Variants in CAMK4 observed in about 807,000 individuals in gnomAD.
CAMK4 encodes the protein calcium/calmodulin dependent protein kinase IV.
Under a neutral mutation model 44.9 loss-of-function variants are expected in CAMK4, and 22 were observed. That is an observed-to-expected ratio of 0.49 (90% CI 0.35 to 0.70). The LOEUF (loss-of-function observed/expected upper bound fraction) is 0.70. CAMK4 is among the 30% of genes least tolerant of loss of function. The probability of loss-of-function intolerance (pLI) is 0.01; values close to 1 mark genes in which losing one functional copy is unlikely to be tolerated. For synonymous variants in CAMK4, 218 were observed against 215.4 expected, an observed-to-expected ratio of 1.01 and a Z score of -0.11; for missense variants, 498 against 586.8, an observed-to-expected ratio of 0.85 and a Z score of 1.56.
chr5:111,476,975 A>G (rs1388500791), intron 8 of CAMK4, among the ~76,000 whole-genome samples: 4 of 152,198 alleles, frequency 2.6e-5, no homozygotes, highest in Non-Finnish European at 5.9e-5. Context: ...AGAAGGGGAA[A>G]TATAAGGAAA....
chr5:111,320,130 G>A (rs1282506975), intron 1 of CAMK4, among the ~76,000 whole-genome samples: 1 of 152,186 alleles, frequency 6.6e-6, no homozygotes, highest in Non-Finnish European at 1.5e-5. Flanking sequence ...AAAAAGAGAA[G>A]CATGCTCAAC....
At position 111,443,507 on chromosome 5, in the gene CAMK4, G is replaced by A. The variant is rs535748826; in HGVS notation, c.460-3179G>A. ...TTTTGTTTTAAAGCTTGTTCCTTTG[G>A]TAGTGTATAGCTCCTCGTTCTAGTA... On this transcript the variant is annotated intron_variant, in intron 5 of 10. Coordinates refer to ENST00000282356, the MANE Select transcript of CAMK4 (RefSeq NM_001744.6). 3.3e-5 allele frequency among the ~76,000 whole-genome samples: 5 copies of A among 151,314 alleles called. 1 individual carries two copies. In the South Asian group the frequency reaches 8.4e-4, roughly 25 times the overall value.
At chr5:111,299,593 T>C (rs892511693) in intron 1 of CAMK4, among the ~76,000 whole-genome samples, 1 of 152,370 alleles carries the variant, frequency 6.6e-6, no homozygotes, top group African/African-American at 2.4e-5. Context: ...ATTCCACTTA[T>C]ATTGAATATA....
chr5:111,279,619 T>C (rs1052930572), intron 1 of CAMK4, among the ~76,000 whole-genome samples: 5 of 152,224 alleles, frequency 3.3e-5, no homozygotes, highest in African/African-American at 9.6e-5. Context: ...CTATTGCTAA[T>C]TTATTTCTTA....
intron 4 of CAMK4, among the ~76,000 whole-genome samples, chr5:111,377,989 A>G (rs1751277963): frequency 6.6e-6 from 1 of 152,092 alleles, no homozygotes; most frequent in Non-Finnish European, 1.5e-5. Context: ...GCGTTGAGAG[A>G]GGAACACTCC....
At chr5:111,440,045 A>T (rs1227596802) in intron 5 of CAMK4, among the ~76,000 whole-genome samples, 1 of 152,238 alleles carries the variant, frequency 6.6e-6, no homozygotes, top group Non-Finnish European at 1.5e-5. Context: ...ATAATTGAGT[A>T]TAGCCAGAGA....
At chr5:111,419,367 T>C (rs910241349) in intron 5 of CAMK4, among the ~76,000 whole-genome samples, 5 of 152,282 alleles carry the variant, frequency 3.3e-5, no homozygotes, top group East Asian at 1.9e-4. Context: ...GAGTAGGTTG[T>C]GAAAATTTTC....
At chr5:111,352,590 A>G (rs1306711500) in intron 2 of CAMK4, among the ~76,000 whole-genome samples, 2 of 140,616 alleles carry the variant, frequency 1.4e-5, no homozygotes. Flanking sequence ...TCAAGGGGCC[A>G]GCATGTGGTG....
At position 111,299,865 on chromosome 5, in the gene CAMK4, A is replaced by G. The variant is rs1051879655; in HGVS notation, c.162-44159A>G. Among the ~76,000 whole-genome samples, 11 of 152,270 alleles carry G rather than the reference A, an allele frequency of 7.2e-5. 1 individual carries two copies. The highest frequency in any genetic ancestry group is 3.9e-4 in the East Asian group (2 of 5,186). Reference sequence around the variant, plus strand: ...CTATAACTCCTAATCATTTGCCCATATATGACATAGTATCGGTGTTTCTTT... The same window carrying G: ...CTATAACTCCTAATCATTTGCCCATGTATGACATAGTATCGGTGTTTCTTT... On this transcript the variant is annotated intron_variant, in intron 1 of 10. Coordinates refer to ENST00000282356, the MANE Select transcript of CAMK4 (RefSeq NM_001744.6).
chr5:111,234,084 T>A (rs982265034), intron 1 of CAMK4, among the ~76,000 whole-genome samples: 1 of 152,244 alleles, frequency 6.6e-6, no homozygotes, highest in African/African-American at 2.4e-5. Context: ...GTACACAGTT[T>A]GGAAGCATGT....
intron 5 of CAMK4, among the ~76,000 whole-genome samples, chr5:111,416,311 A>G (rs1427026789): frequency 6.6e-6 from 1 of 152,174 alleles, no homozygotes; most frequent in Non-Finnish European, 1.5e-5. Context: ...AACAGTGGTT[A>G]TTTCTTGCCA....
In CAMK4 at chr5:111,276,171, A is replaced by G. The variant is rs141232647; in HGVS notation, c.161+51527A>G. Among the ~76,000 whole-genome samples the G allele has an allele frequency of 3.6e-3, 551 of 152,244 alleles. 3 individuals are homozygous for G. Among genetic ancestry groups the G allele is most frequent in the African/African-American group, 0.013 (539 of 41,550 alleles). The stretch of plus-strand genomic sequence containing the variant: ...GCATTCCCTCCAGTCTGCTGTATCT[A>G]TTCTCTGTTTTGTGAACTACTATTA... On this transcript the variant is annotated intron_variant, in intron 1 of 10. Transcript: ENST00000282356.
chr5:111,275,658 T>C (rs1361193241), intron 1 of CAMK4, among the ~76,000 whole-genome samples: 2 of 152,102 alleles, frequency 1.3e-5, no homozygotes, highest in East Asian at 3.8e-4. Context: ...TGAAAAGAAG[T>C]TGGTTAATGG....
chr5:111,298,591 T>C (rs1379007957), intron 1 of CAMK4, among the ~76,000 whole-genome samples: 1 of 152,184 alleles, frequency 6.6e-6, no homozygotes, highest in East Asian at 1.9e-4. Context: ...CACTATGCTC[T>C]TGGTTTGTGC....
At chr5:111,393,982 G>C (rs894300591) in intron 4 of CAMK4, among the ~76,000 whole-genome samples, 1 of 151,180 alleles carries the variant, frequency 6.6e-6, no homozygotes, top group South Asian at 2.1e-4. Flanking sequence ...AGATGGAGAA[G>C]GGATGAAAGG....
At chr5:111,360,441 A>G (rs1750545964) in intron 2 of CAMK4, among the ~76,000 whole-genome samples, 1 of 152,092 alleles carries the variant, frequency 6.6e-6, no homozygotes. Context: ...CACTGGCTCT[A>G]TGGGAGAGGC....
At chr5:111,381,093 G>A (rs1195502047) in intron 4 of CAMK4, among the ~76,000 whole-genome samples, 1 of 152,144 alleles carries the variant, frequency 6.6e-6, no homozygotes, top group Non-Finnish European at 1.5e-5. Flanking sequence ...GTTGGAATAA[G>A]TAAATGACTT....
chr5:111,433,826 A>G (rs1239622491), intron 5 of CAMK4, among the ~76,000 whole-genome samples: 3 of 152,192 alleles, frequency 2.0e-5, no homozygotes, highest in African/African-American at 7.2e-5. Context: ...ACAGCCACAA[A>G]TTGGGGACAA....
intron 2 of CAMK4, among the ~76,000 whole-genome samples, chr5:111,347,203 G>T (rs1580628914): frequency 6.6e-6 from 1 of 151,988 alleles, no homozygotes; most frequent in African/African-American, 2.4e-5. Flanking sequence ...CTTTGGGCAT[G>T]ACTCTACAGG....
Sources: allele counts gnomAD v4.1 joint callset (sites outside exome capture counted in the v4.1 genomes callset), GRCh38; gene constraint gnomAD v4.1.1; transcripts MANE v1.5; gene names NCBI Gene and HGNC (gene_info 2026-07-23, HGNC 2026-07-21).